SLIT3: variants seen among roughly 807,000 people sequenced by gnomAD.
The protein encoded by SLIT3 is slit homolog 3 protein.
In SLIT3, 68 loss-of-function variants were observed where a neutral mutation model predicts 184.0. The ratio of observed to expected loss-of-function variants is 0.37; its 90% CI spans 0.30 to 0.45. The LOEUF (loss-of-function observed/expected upper bound fraction) is 0.45, where lower values mean the gene tolerates loss of function less well. Among genes scored for constraint, SLIT3 ranks in the 20% least tolerant of loss-of-function variants. SLIT3 has a pLI of 1.00. For missense variants in SLIT3, 1,707 were observed against 2,026.0 expected (o/e 0.84, Z 3.02); for synonymous variants, 831 against 828.6 (o/e 1.00, Z -0.05).
intron 20 of SLIT3, among the ~76,000 whole-genome samples, chr5:168,746,017 G>T (rs928012737): frequency 6.6e-6 from 1 of 152,152 alleles, no homozygotes; most frequent in East Asian, 1.9e-4. Context: ...TGGTACATTG[G>T]TTTTTTTCCA....
At chr5:168,827,956 T>C (rs969176164) in intron 6 of SLIT3, among the ~76,000 whole-genome samples, 60 of 152,226 alleles carry the variant, frequency 3.9e-4, no homozygotes, top group African/African-American at 1.4e-3. Flanking sequence ...TAAAATATTT[T>C]CTATCTGGAT....
intron 3 of SLIT3, among the ~76,000 whole-genome samples, chr5:169,217,802 A>T (rs1443397567): frequency 6.6e-6 from 1 of 152,248 alleles, no homozygotes; most frequent in Admixed American, 6.5e-5. Flanking sequence ...GTGGGAGGTC[A>T]TTAACCATGT....
At chr5:169,008,995 G>A (rs529578900) in intron 4 of SLIT3, among the ~76,000 whole-genome samples, 140 of 152,246 alleles carry the variant, frequency 9.2e-4, no homozygotes, top group African/African-American at 3.3e-3. Context: ...AGTAATTTGT[G>A]TGAGGTCACA....
At chr5:169,202,516 A>T (rs1010594071) in intron 3 of SLIT3, among the ~76,000 whole-genome samples, 25 of 152,220 alleles carry the variant, frequency 1.6e-4, no homozygotes, top group African/African-American at 6.0e-4. Context: ...TGGACACTAA[A>T]ACCTGTGATT....
chr5:169,003,510 T>A (rs1755796353), intron 4 of SLIT3, among the ~76,000 whole-genome samples: 1 of 152,256 alleles, frequency 6.6e-6, no homozygotes, highest in African/African-American at 2.4e-5. Flanking sequence ...TCTATGGCAT[T>A]GGTCTGCAGG....
At chr5:168,895,706 TAC>T (rs1464220422) in intron 4 of SLIT3, among the ~76,000 whole-genome samples, 17 of 152,212 alleles carry the variant, frequency 1.1e-4, no homozygotes, top group African/African-American at 3.6e-4. Flanking sequence ...TCAAAGCAAT[TAC>T]AGTTATTGCT....
chr5:169,089,905 A>AC (rs1759504710), intron 4 of SLIT3, among the ~76,000 whole-genome samples: 3 of 152,096 alleles, frequency 2.0e-5, no homozygotes, highest in African/African-American at 7.2e-5. Context: ...GATCCTTCCT[A>AC]CCCTAGGCTA....
chr5:168,858,663 GC>G (rs1758992361), intron 5 of SLIT3, among the ~76,000 whole-genome samples: 1 of 152,236 alleles, frequency 6.6e-6, no homozygotes, highest in African/African-American at 2.4e-5. Flanking sequence ...GCCCTTGGAA[GC>G]CTGTCCCTGA....
chr5:169,175,202 ATACT>A (rs1350732502), intron 4 of SLIT3, among the ~76,000 whole-genome samples: 2 of 152,196 alleles, frequency 1.3e-5, no homozygotes. Flanking sequence ...GAATAGACTG[ATACT>A]TACAATACAC....
At position 169,079,956 on chromosome 5, in the gene SLIT3, G is replaced by A. The variant is rs1004088553; in HGVS notation, c.413+113523C>T. On this transcript the variant is annotated intron_variant, in intron 4 of 35. Coordinates refer to ENST00000519560, the MANE Select transcript of SLIT3 (RefSeq NM_003062.4). ...AGGGAAGAGAGAGAAGAGGGAGAAG[G>A]AAGAAGAGGAGGAGATTATGCACGA... Among the ~76,000 whole-genome samples the A allele has an allele frequency of 2.7e-5, 4 of 149,602 alleles. No homozygotes were observed. The South Asian group carries it at 8.6e-4, about 32-fold the overall frequency.
intron 24 of SLIT3, 81 bp from the exon 25 acceptor site, chr5:168,711,139 T>G (rs1762546137): frequency 4.6e-6 from 6 of 1,315,844 alleles, no homozygotes; most frequent in East Asian, 5.7e-5. Context: ...TGGAAATGCA[T>G]TTTCAGACTT....
At chr5:168,940,031 C>T (rs1054329453) in intron 4 of SLIT3, among the ~76,000 whole-genome samples, 4 of 152,146 alleles carry the variant, frequency 2.6e-5, no homozygotes, top group African/African-American at 9.7e-5. Context: ...AGGGCCCAGG[C>T]TTTCAGCAGA....
At chr5:169,106,652 C>T (rs770869675) in intron 4 of SLIT3, among the ~76,000 whole-genome samples, 2 of 152,194 alleles carry the variant, frequency 1.3e-5, no homozygotes, top group Non-Finnish European at 2.9e-5. Flanking sequence ...CCTGATGCTA[C>T]TGTACATACT....
intron 3 of SLIT3, among the ~76,000 whole-genome samples, chr5:169,223,601 G>A (rs1479954582): frequency 6.6e-6 from 1 of 152,178 alleles, no homozygotes; most frequent in African/African-American, 2.4e-5. Context: ...CAAGTGCAAA[G>A]GCAGGGCTCA....
At chr5:168,801,065 C>T (rs1756749765) in intron 9 of SLIT3, among the ~76,000 whole-genome samples, 1 of 152,160 alleles carries the variant, frequency 6.6e-6, no homozygotes, top group African/African-American at 2.4e-5. Context: ...AAGGAATGTG[C>T]TTAAAGTAAG....
At chr5:169,206,176 T>C (rs978239586) in intron 3 of SLIT3, among the ~76,000 whole-genome samples, 1 of 152,236 alleles carries the variant, frequency 6.6e-6, no homozygotes, top group Non-Finnish European at 1.5e-5. Context: ...AGCAACACTC[T>C]GCAAAAGCAC....
chr5:168,954,236 C>A (rs568765171), intron 4 of SLIT3, among the ~76,000 whole-genome samples: 94 of 152,200 alleles, frequency 6.2e-4, no homozygotes, highest in Non-Finnish European at 1.1e-3. Context: ...GGAATAATTA[C>A]CCCAAATGAT....
intron 4 of SLIT3, among the ~76,000 whole-genome samples, chr5:168,908,613 C>A (rs920034594): frequency 2.0e-5 from 3 of 152,106 alleles, no homozygotes; most frequent in Non-Finnish European, 4.4e-5. Context: ...GCTTTTAAGA[C>A]AAGGGACTTT....
chr5:169,067,946 A>G (rs1351757349), intron 4 of SLIT3, among the ~76,000 whole-genome samples: 1 of 152,268 alleles, frequency 6.6e-6, no homozygotes, highest in Admixed American at 6.5e-5. Context: ...GATAATTATT[A>G]GCTGCTTTTA....
Sources: gnomAD v4.1 joint callset for allele counts (sites outside exome capture counted in the v4.1 genomes callset) on GRCh38, gnomAD v4.1.1 for gene constraint, MANE v1.5 for transcripts, NCBI Gene and HGNC (gene_info 2026-07-23, HGNC 2026-07-21) for gene names.